Variants in MGAT4C observed in about 807,000 individuals in gnomAD.
MGAT4C encodes the protein alpha-1,3-mannosyl-glycoprotein 4-beta-N-acetylglucosaminyltransferase C.
MGAT4C carries 19 observed loss-of-function variants against 40.1 expected under a neutral mutation model. The observed-to-expected ratio is 0.47, with a 90% CI of 0.33 to 0.70. MGAT4C has a LOEUF of 0.70. MGAT4C is among the 30% of genes least tolerant of loss of function. The pLI is 0.02. For synonymous variants in MGAT4C, 181 were observed against 187.1 expected (o/e 0.97, Z 0.27); for missense variants, 491 against 563.2 (o/e 0.87, Z 1.30).
At chr12:86,759,718 A>G (rs2136150429) in intron 1 of MGAT4C, among the ~76,000 whole-genome samples, 1 of 152,234 alleles carries the variant, frequency 6.6e-6, no homozygotes, top group South Asian at 2.1e-4. Context: ...TTTGCTCATT[A>G]AGAAACAGGT....
At chr12:86,070,987 A>C (rs2137035608) in intron 1 of MGAT4C, among the ~76,000 whole-genome samples, 1 of 152,194 alleles carries the variant, frequency 6.6e-6, no homozygotes, top group East Asian at 1.9e-4. Flanking sequence ...TCTAAATTGC[A>C]GCTAAAGCAG....
intron 2 of MGAT4C, among the ~76,000 whole-genome samples, chr12:85,997,942 C>T (rs193079337): frequency 6.6e-6 from 1 of 152,218 alleles, no homozygotes; most frequent in Non-Finnish European, 1.5e-5. Context: ...TGTGGGGGCT[C>T]TGACCCCACA....
At chr12:86,794,528 C>T (rs1952079130) in intron 1 of MGAT4C, among the ~76,000 whole-genome samples, 1 of 151,650 alleles carries the variant, frequency 6.6e-6, no homozygotes, top group Admixed American at 6.6e-5. Context: ...GAATATATTA[C>T]TATGATACTG....
At chr12:86,739,163 A>AAAAAAAAAAAAC (rs1951028470) in intron 1 of MGAT4C, among the ~76,000 whole-genome samples, 2 of 129,680 alleles carry the variant, frequency 1.5e-5, no homozygotes, top group Non-Finnish European at 1.7e-5. Context: ...AAAAAAAAAA[A>AAAAAAAAAAAAC]TCTATGTTAT....
At chr12:86,298,200 C>A (rs952336720) in intron 4 of MGAT4C, among the ~76,000 whole-genome samples, 1 of 151,722 alleles carries the variant, frequency 6.6e-6, no homozygotes, top group African/African-American at 2.4e-5. Flanking sequence ...CAATGAAGTA[C>A]AAAATTATGC....
intron 1 of MGAT4C, among the ~76,000 whole-genome samples, chr12:86,063,490 C>A (rs1451260592): frequency 6.6e-6 from 1 of 152,100 alleles, no homozygotes; most frequent in Non-Finnish European, 1.5e-5. Flanking sequence ...AACCAGCTAG[C>A]ATCATAATGA....
At chr12:86,721,778 C>T (rs1320084819) in intron 2 of MGAT4C, among the ~76,000 whole-genome samples, 2 of 152,038 alleles carry the variant, frequency 1.3e-5, no homozygotes, top group African/African-American at 4.8e-5. Flanking sequence ...AAAACACACG[C>T]AGTTTGCCAG....
At chr12:86,485,490 T>C (rs1353595593) in intron 2 of MGAT4C, among the ~76,000 whole-genome samples, 2 of 88,624 alleles carry the variant, frequency 2.3e-5, no homozygotes, top group African/African-American at 6.1e-5. Flanking sequence ...ATGTCAGAAA[T>C]TGAACATTAG....
intron 1 of MGAT4C, among the ~76,000 whole-genome samples, chr12:86,236,497 G>A (rs1404159434): frequency 1.3e-5 from 2 of 151,894 alleles, no homozygotes; most frequent in Non-Finnish European, 1.5e-5. Flanking sequence ...TATAACTATT[G>A]TCCTAAATTA....
At chr12:86,577,026 CTTCTT>C (rs1295102615) in intron 2 of MGAT4C, among the ~76,000 whole-genome samples, 2 of 151,494 alleles carry the variant, frequency 1.3e-5, no homozygotes, top group African/African-American at 2.4e-5. Context: ...TTATAGAGCT[CTTCTT>C]TTGTTATGTT....
chr12:86,376,836 G>GAGAGAGAGAC (rs2136216384), intron 3 of MGAT4C, among the ~76,000 whole-genome samples: 2 of 103,020 alleles, frequency 1.9e-5, no homozygotes, highest in South Asian at 8.8e-4. Flanking sequence ...GAGAGAGAGA[G>GAGAGAGAGAC]AGAGAGACAG....
chr12:86,712,785 TA>T (rs2136633743), intron 2 of MGAT4C, among the ~76,000 whole-genome samples: 1 of 152,142 alleles, frequency 6.6e-6, no homozygotes, highest in African/African-American at 2.4e-5. Flanking sequence ...ACATAAAAGG[TA>T]GCTGCCGATT....
At chr12:86,097,957 G>A (rs1178453292) in intron 1 of MGAT4C, among the ~76,000 whole-genome samples, 1 of 151,660 alleles carries the variant, frequency 6.6e-6, no homozygotes, top group South Asian at 2.1e-4. Context: ...GTAAAATAGA[G>A]GGTAGCAACC....
chr12:86,080,572 C>T (rs573530454), intron 1 of MGAT4C, among the ~76,000 whole-genome samples: 10 of 152,184 alleles, frequency 6.6e-5, no homozygotes, highest in Non-Finnish European at 8.8e-5. Flanking sequence ...CATGTCAGAG[C>T]GCACACACGC....
At chr12:86,311,014 TG>T (rs1156716420) in intron 4 of MGAT4C, among the ~76,000 whole-genome samples, 1 of 152,238 alleles carries the variant, frequency 6.6e-6, no homozygotes, top group East Asian at 1.9e-4. Context: ...CAAGGCCCGA[TG>T]GGTCCTGCTG....
chr12:86,494,023 A>T (rs1958189493), intron 2 of MGAT4C, among the ~76,000 whole-genome samples: 1 of 151,990 alleles, frequency 6.6e-6, no homozygotes, highest in Admixed American at 6.6e-5. Flanking sequence ...TAACTATACA[A>T]TTGAAACATT....
intron 1 of MGAT4C, among the ~76,000 whole-genome samples, chr12:86,193,790 G>A (rs1337257798): frequency 6.6e-6 from 1 of 151,992 alleles, no homozygotes; most frequent in Non-Finnish European, 1.5e-5. Flanking sequence ...TATTCCCTAT[G>A]TATTTGACTT....
At chr12:86,271,641 T>C (rs768583020) in intron 4 of MGAT4C, among the ~76,000 whole-genome samples, 3 of 152,202 alleles carry the variant, frequency 2.0e-5, no homozygotes, top group Non-Finnish European at 4.4e-5. Flanking sequence ...AGTAATCTCA[T>C]TACTTGGGTA....
intron 1 of MGAT4C, among the ~76,000 whole-genome samples, chr12:86,144,275 A>G (rs776455777): frequency 4.6e-5 from 7 of 152,196 alleles, no homozygotes; most frequent in Admixed American, 2.6e-4. Flanking sequence ...ATGTTAATAA[A>G]TATTCTTTAT....
Sources: gnomAD v4.1 joint callset for allele counts (sites outside exome capture counted in the v4.1 genomes callset) on GRCh38, gnomAD v4.1.1 for gene constraint, MANE v1.5 for transcripts, NCBI Gene and HGNC (gene_info 2026-07-23, HGNC 2026-07-21) for gene names.